Variants in IGDCC4 observed in about 807,000 individuals in gnomAD.
IGDCC4 encodes the protein likely ortholog of mouse neighbor of Punc E11.
IGDCC4 carries 72 observed loss-of-function variants against 116.6 expected under a neutral mutation model. The ratio of observed to expected loss-of-function variants is 0.62; its 90% CI spans 0.51 to 0.75. The LOEUF (loss-of-function observed/expected upper bound fraction) is 0.75, where lower values mean the gene tolerates loss of function less well. IGDCC4 is among the 30% of genes least tolerant of loss of function. IGDCC4 has a pLI of 0.00. For missense variants in IGDCC4, 1,501 were observed against 1,662.4 expected (o/e 0.90, Z 1.69); for synonymous variants, 709 against 719.9 (o/e 0.98, Z 0.24).
intron 12 of IGDCC4, 131 bp downstream of exon 12, chr15:65,391,749 G>A: frequency 1.3e-6 from 1 of 742,952 alleles, no homozygotes; most frequent in Non-Finnish European, 2.3e-6. Flanking sequence ...GATCCTAGGA[G>A]AATGGGTTTG....
rs757089246 is a variant in IGDCC4, at chr15:65,388,622, G to A, written c.2708-36C>T. The A allele has an allele frequency of 4.3e-6, 7 of 1,612,844 alleles. No individual in the cohort carries two copies. In the East Asian group the frequency reaches 1.6e-4, roughly 36 times the overall value. ...GGGAGGCAGGGAGAGCAGGGATGGT[G>A]GATGGGGTGGGTGGATGCAGAGGTG... On this transcript the variant is annotated intron_variant, in intron 15 of 19. Transcript: ENST00000352385.
intron 5 of IGDCC4, among the ~76,000 whole-genome samples, chr15:65,398,868 C>T (rs564136279): frequency 1.1e-4 from 16 of 152,080 alleles, no homozygotes; most frequent in African/African-American, 3.4e-4. Flanking sequence ...CCAGCCCGGG[C>T]GACAGAGCGA....
chr15:65,395,354 C>G, intron 7 of IGDCC4, 96 bp from the exon 8 acceptor site: 1 of 1,216,650 alleles, frequency 8.2e-7, no homozygotes, highest in Non-Finnish European at 1.1e-6. Flanking sequence ...GTCCTGGTGT[C>G]TATTTATAGC....
chr15:65,395,738 A>G lies in IGDCC4; in HGVS notation c.1411+12T>C, dbSNP rs1595781927. On this transcript the variant is annotated intron_variant, in intron 7 of 19. Transcript: ENST00000352385. ...GGCCTGCGCTGGTGCATCCCGCCCC[A>G]GGCCGACGTACCCCGTGCCTTCTGG... 1 of 1,428,826 alleles carries G rather than the reference A, an allele frequency of 7.0e-7. No individual in the cohort carries two copies. The highest frequency in any genetic ancestry group is 9.2e-7 in the Non-Finnish European group (1 of 1,085,554). 88.5% of individuals were successfully genotyped at this position (1,428,826 alleles called of 1,614,324 possible). A position where few individuals can be genotyped will look rare whatever the true frequency, so the allele number is the denominator to read the frequency against.
intron 3 of IGDCC4, among the ~76,000 whole-genome samples, 186 bp from the exon 4 acceptor site, chr15:65,402,673 G>T (rs1373466203): frequency 6.6e-6 from 1 of 152,152 alleles, no homozygotes; most frequent in Non-Finnish European, 1.5e-5. Flanking sequence ...TTCGAGACCA[G>T]CCTGACCAAC....
At chr15:65,416,646 T>C (rs1475946304) in intron 1 of IGDCC4, among the ~76,000 whole-genome samples, 1 of 152,092 alleles carries the variant, frequency 6.6e-6, no homozygotes, top group Non-Finnish European at 1.5e-5. Context: ...TCCCTCTCAG[T>C]GCCGGGGTGG....
intron 1 of IGDCC4, among the ~76,000 whole-genome samples, chr15:65,421,341 A>G (rs2063188043): frequency 2.0e-5 from 3 of 152,044 alleles, no homozygotes; most frequent in Admixed American, 6.5e-5. Flanking sequence ...ACTATTCCTT[A>G]ATCCCCTGAG....
In IGDCC4 at chr15:65,411,332, T is replaced by A. The variant is rs760266345; in HGVS notation, c.109A>T (p.Ser37Cys). 2.6e-5 allele frequency: 41 copies of A among 1,598,006 alleles called. No individual in the cohort carries two copies. In the Middle Eastern group the frequency reaches 1.1e-3, roughly 44 times the overall value. ...ACTTGCAGTGGCCCCACTCCACAGCTCAGCTCCACAGTCGTCTCCTGGGGC... is the reference window on the plus strand; with the variant it reads ...ACTTGCAGTGGCCCCACTCCACAGCACAGCTCCACAGTCGTCTCCTGGGGC... ...LLPQETTVEL[S>C]CGVGPLQVIL... Residue 37 changes from serine to cysteine, a missense_variant, in exon 2 of 20, where the codon AGC becomes TGC. By Grantham distance (112) the Ser-to-Cys change is moderately radical. Transcript: ENST00000352385.
Position 65,384,059 on chromosome 15 carries a change from G to C in IGDCC4, c.3703C>G (p.Leu1235Val). ...CTGGGCAGGCCTGGGCTGGCTCCTA[G>C]AGGGCAGGGGGATTTGAGCTGGCAG... is the stretch of plus-strand genomic sequence containing the variant. ...DSCQLKSPCP[L>V]GASPGLPRSP... Residue 1235 changes from leucine (L) to valine (V), a missense_variant, in exon 20 of 20, where the codon CTA (leucine) becomes GTA (valine). Leu to Val is a conservative substitution (Grantham distance 32, BLOSUM62 1). Around this residue, in one of 3 missense-constraint regions of IGDCC4, gnomAD observed 368 missense variants for 355.6 expected, o/e 1.03. Transcript: ENST00000352385. The surrounding 1 kb of genome is among the most constrained non-coding windows in gnomAD (Gnocchi z 4.9). 1 of 1,612,648 alleles carries C rather than the reference G, an allele frequency of 6.2e-7. No individual in the cohort carries two copies. The highest frequency in any genetic ancestry group is 8.5e-7 in the Non-Finnish European group (1 of 1,179,064).
Position 65,383,989 on chromosome 15 carries a change from AC to A in IGDCC4, c.*19del. ...TGTGATCCATACCTGCCTGCCCCAA[AC>A]CACATCCTCTGGGAAGAGCTAGGCA... is the stretch of plus-strand genomic sequence containing the variant. On this transcript the variant is annotated 3_prime_UTR_variant, in exon 20 of 20. Transcript: ENST00000352385. 1 of 1,553,930 alleles carries A rather than the reference AC, an allele frequency of 6.4e-7. No homozygotes were observed. Among genetic ancestry groups the A allele is most frequent in the Non-Finnish European group, 8.7e-7 (1 of 1,145,480 alleles).
chr15:65,396,486 C>T (rs1550028), intron 6 of IGDCC4: 1 of 564,008 alleles, frequency 1.8e-6, no homozygotes, highest in Non-Finnish European at 3.2e-6. Context: ...CCTGCCCTCC[C>T]ATATGTCCCA....
chr15:65,390,919 A>G (rs758835644), intron 12 of IGDCC4, among the ~76,000 whole-genome samples: 3 of 152,196 alleles, frequency 2.0e-5, no homozygotes, highest in African/African-American at 4.8e-5. Context: ...TATTTGCTGA[A>G]TGAAGAAATG....
chr15:65,386,042 A>G lies in IGDCC4; in HGVS notation c.2969T>C (p.Leu990Pro), dbSNP rs375948054. ...ATTCCCGGGGGTGGCGGTGGAGGAC[A>G]GGCCTGGGAGGGATTCCCTGGAAGG... ...RSPHRESLPG[L>P]SSTATPGNPA... The change falls in exon 18 of 20, where the codon CTG (leucine) becomes CCG (proline). Residue 990 changes from leucine (L) to proline (P), a missense_variant. By Grantham distance (98) the Leu-to-Pro change is moderately conservative. This residue lies in a region of IGDCC4 where 368 missense variants were observed against 355.6 expected (regional missense o/e 1.03). Coordinates refer to ENST00000352385, the MANE Select transcript of IGDCC4 (RefSeq NM_020962.3). The G allele has an allele frequency of 3.9e-6, 6 of 1,521,186 alleles. No individual in the cohort carries two copies. Among genetic ancestry groups the G allele is most frequent in the Middle Eastern group, 3.5e-4 (2 of 5,720 alleles). The allele number at this position is 1,521,186 out of a possible 1,614,324, so 94.2% of individuals were successfully genotyped here.
intron 15 of IGDCC4, 47 bp from the exon 16 acceptor site, chr15:65,388,633 G>A: frequency 6.2e-7 from 1 of 1,612,274 alleles, no homozygotes; most frequent in South Asian, 1.1e-5. Context: ...GATGGGGTGG[G>A]TGGATGCAGA....
Position 65,410,415 on chromosome 15 carries a change from GAA to G in IGDCC4, c.422-98_422-97del, listed in dbSNP as rs1449661465. 8.4e-6 allele frequency: 12 copies of G among 1,429,368 alleles called. No homozygotes were observed. The Admixed American group carries it at 2.2e-4, about 26-fold the overall frequency. The allele number at this position is 1,429,368 out of a possible 1,614,324, so 88.5% of individuals were successfully genotyped here. A position where few individuals can be genotyped will look rare whatever the true frequency, so the allele number is the denominator to read the frequency against. On this transcript the variant is annotated intron_variant, in intron 2 of 19. Transcript: ENST00000352385. ...TGAAACACATCCGCATGGAGACACA[GAA>G]ACACACAGTCACAGAAACACACAGC...
At position 65,385,123 on chromosome 15, in the gene IGDCC4, G is replaced by A. The variant is rs1490654806; in HGVS notation, c.3181-8C>T. ...TGGTTGAGCCCAGGAGATCTGCACGGGGGAAAGAAGGGGACAGTAAGGGGC... is the reference window on the plus strand; with the variant it reads ...TGGTTGAGCCCAGGAGATCTGCACGAGGGAAAGAAGGGGACAGTAAGGGGC... On this transcript the variant is annotated splice_polypyrimidine_tract_variant and splice_region_variant and intron_variant, in intron 18 of 19. Transcript: ENST00000352385. 6.4e-7 allele frequency: 1 copy of A among 1,573,596 alleles called. No individual in the cohort carries two copies. The highest frequency in any genetic ancestry group is 8.6e-7 in the Non-Finnish European group (1 of 1,168,514).
At chr15:65,402,266 G>T in intron 4 of IGDCC4, 85 bp downstream of exon 4, 2 of 1,470,024 alleles carry the variant, frequency 1.4e-6, no homozygotes, top group Non-Finnish European at 1.8e-6. Flanking sequence ...TGAAGGCAAG[G>T]CCTGGACCCC....
chr15:65,386,427 C>G, intron 17 of IGDCC4, 124 bp downstream of exon 17: 1 of 818,352 alleles, frequency 1.2e-6, no homozygotes. Flanking sequence ...ATCCCAGAGT[C>G]CTGACTTTAA....
Position 65,422,919 on chromosome 15 carries a change from C to T in IGDCC4, c.-57G>A, listed in dbSNP as rs1202930801. Reference sequence around the variant, plus strand: ...CGCCTCCCCGTGCTTCGGCCGCCGCCGCGGGGGGAGAGCGCGCCGGGCGTC... The same window carrying T: ...CGCCTCCCCGTGCTTCGGCCGCCGCTGCGGGGGGAGAGCGCGCCGGGCGTC... On this transcript the variant is annotated 5_prime_UTR_variant, in exon 1 of 20. Coordinates refer to ENST00000352385, the MANE Select transcript of IGDCC4 (RefSeq NM_020962.3). The T allele has an allele frequency of 6.7e-5, 65 of 975,784 alleles. No individual in the cohort carries two copies. The highest frequency in any genetic ancestry group is 7.8e-5 in the Non-Finnish European group (64 of 822,640). The allele number at this position is 975,784 out of a possible 1,614,324, so 60.4% of individuals were successfully genotyped here.
Sources: allele counts gnomAD v4.1 joint callset (sites outside exome capture counted in the v4.1 genomes callset), GRCh38; gene constraint gnomAD v4.1.1; regional missense constraint gnomAD v4.1.1; non-coding constraint Gnocchi (gnomAD v3.1); transcripts MANE v1.5; gene names NCBI Gene and HGNC (gene_info 2026-07-23, HGNC 2026-07-21).